The following GLE1 variants were observed in gnomAD, a reference collection of about 807,000 sequenced individuals.
GLE1 encodes the protein GLE1 RNA export mediator.
GLE1 carries 78 observed loss-of-function variants against 97.3 expected under a neutral mutation model. The observed-to-expected ratio is 0.80, with a 90% CI of 0.67 to 0.97. The LOEUF (loss-of-function observed/expected upper bound fraction) is 0.97, where lower values mean the gene tolerates loss of function less well. GLE1 is among the 50% of genes least tolerant of loss of function. The probability of loss-of-function intolerance (pLI) is 0.00; values close to 1 mark genes in which losing one functional copy is unlikely to be tolerated. For synonymous variants in GLE1, 302 were observed against 313.4 expected (o/e 0.96, Z 0.39); for missense variants, 753 against 857.5 (o/e 0.88, Z 1.52).
chr9:128,522,728 G>A lies in GLE1; in HGVS notation c.493G>A (p.Ala165Thr). Residue 165 changes from alanine to threonine, a missense_variant, in exon 4 of 16, where the codon GCA becomes ACA. Transcript: ENST00000309971. Reference protein sequence around the residue: ...ERKVQALSEMASEQLKRFDEW... With the variant: ...ERKVQALSEMTSEQLKRFDEW... ...GAAGGTGCAAGCCCTCTCGGAGATGGCATCTGAACAACTGAAGCGGTTTGA... is the reference window on the plus strand; with the variant it reads ...GAAGGTGCAAGCCCTCTCGGAGATGACATCTGAACAACTGAAGCGGTTTGA... 5.0e-6 allele frequency: 8 copies of A among 1,613,616 alleles called. No individual in the cohort carries two copies. Among genetic ancestry groups the A allele is most frequent in the Non-Finnish European group, 6.8e-6 (8 of 1,179,876 alleles).
In GLE1 at chr9:128,504,861, A is replaced by G. The variant is rs767810122; in HGVS notation, c.56A>G (p.Lys19Arg). 6.2e-7 allele frequency: 1 copy of G among 1,613,590 alleles called. No individual in the cohort carries two copies. Among genetic ancestry groups the G allele is most frequent in the Admixed American group, 1.7e-5 (1 of 60,008 alleles). ...ETLKALRSSD[K>R]GRLCYYRDWL... is the part of the protein sequence containing the mutation. ...TTGAAGGCCCTACGCAGTTCCGACA[A>G]AGGTCGCCTTTGCTACTACCGCGAC... Residue 19 changes from lysine to arginine, a missense_variant, in exon 1 of 16, where the codon AAA (lysine) becomes AGA (arginine). Transcript: ENST00000309971.
At chr9:128,527,611 T>A (rs1020682082) in intron 9 of GLE1, 86 bp downstream of exon 9, 6 of 842,370 alleles carry the variant, frequency 7.1e-6, no homozygotes, top group Admixed American at 1.8e-5. Flanking sequence ...AAGGTTCCTA[T>A]AAAAGTATAT....
At chr9:128,535,174 A>C (rs752491254) in intron 11 of GLE1, among the ~76,000 whole-genome samples, 3 of 152,028 alleles carry the variant, frequency 2.0e-5, no homozygotes, top group Non-Finnish European at 4.4e-5. Context: ...CCAGGAGTTC[A>C]AGACCAGCCT....
At chr9:128,526,146 C>T (rs187894338) in intron 7 of GLE1, among the ~76,000 whole-genome samples, 105 of 146,610 alleles carry the variant, frequency 7.2e-4, no homozygotes, top group Middle Eastern at 4.0e-3. Flanking sequence ...CTCAGCCTCC[C>T]GAGTAGCTGG....
intron 3 of GLE1, 57 bp from the exon 4 acceptor site, chr9:128,522,611 T>A (rs919508931): frequency 1.3e-6 from 2 of 1,505,522 alleles, no homozygotes. Flanking sequence ...CACTCCAGCC[T>A]GGCGACAGAG....
In GLE1 at chr9:128,533,874, T is replaced by A. The variant is rs1847607987; in HGVS notation, c.1569T>A (p.His523Gln). 1 of 1,613,290 alleles carries A rather than the reference T, an allele frequency of 6.2e-7. No individual in the cohort carries two copies. ...GAGTGGGGGACCTCATTCTTGCTCA[T>A]CTACATAAGAAGTGTCCTTACTCTG... Reference protein sequence around the residue: ...HPRVGDLILAHLHKKCPYSVP... With the variant: ...HPRVGDLILAQLHKKCPYSVP... The change falls in exon 11 of 16, where the codon CAT (histidine) becomes CAA (glutamine). Residue 523 changes from histidine (H) to glutamine (Q), a missense_variant. By Grantham distance (24) the His-to-Gln change is conservative. Transcript: ENST00000309971.
chr9:128,527,385 C>A, intron 8 of GLE1, 71 bp from the exon 9 acceptor site: 1 of 1,319,464 alleles, frequency 7.6e-7, no homozygotes, highest in Non-Finnish European at 1.1e-6. Context: ...TGGCATGTCA[C>A]TTTACCTGAT....
At chr9:128,507,930 AG>A (rs1465734431) in intron 1 of GLE1, among the ~76,000 whole-genome samples, 1 of 151,808 alleles carries the variant, frequency 6.6e-6, no homozygotes, top group Non-Finnish European at 1.5e-5. Context: ...CTGTAATCCC[AG>A]CACTTTGGGA....
rs1406484784 is a variant in GLE1 at position 128,541,551 on chromosome 9, C to T, written c.*381C>T. On this transcript the variant is annotated 3_prime_UTR_variant, in exon 16 of 16. Coordinates refer to ENST00000309971, the MANE Select transcript of GLE1 (RefSeq NM_001003722.2). ...CCCACCATTTGCACCCACCTACCCACCCTCACCCCTGTTCAGATGAATTTC... is the reference window on the plus strand; with the variant it reads ...CCCACCATTTGCACCCACCTACCCATCCTCACCCCTGTTCAGATGAATTTC... The T allele has an allele frequency of 1.9e-5, 5 of 268,810 alleles. No homozygotes were observed. The East Asian group carries it at 2.7e-4, about 15-fold the overall frequency. The allele number at this position is 268,810 out of a possible 1,614,324, so 16.7% of individuals were successfully genotyped here.
chr9:128,508,409 ATAAT>A (rs1020687433), intron 1 of GLE1, among the ~76,000 whole-genome samples: 5 of 152,290 alleles, frequency 3.3e-5, no homozygotes, highest in East Asian at 1.9e-4. Context: ...TGTCTCAAAA[ATAAT>A]TAATTTTAAA....
intron 13 of GLE1, 98 bp from the exon 14 acceptor site, chr9:128,539,518 T>C: frequency 1.0e-6 from 1 of 979,780 alleles, no homozygotes; most frequent in Non-Finnish European, 1.6e-6. Context: ...AAATTTTTGA[T>C]AGGTGTGAAA....
chr9:128,520,692 CGT>C (rs151275204), intron 3 of GLE1, among the ~76,000 whole-genome samples: 33 of 149,480 alleles, frequency 2.2e-4, no homozygotes, highest in Admixed American at 3.3e-4. Flanking sequence ...TCACACACAT[CGT>C]GTGTGTGTGT....
chr9:128,519,031 T>C (rs1847064485), intron 3 of GLE1, among the ~76,000 whole-genome samples: 1 of 152,330 alleles, frequency 6.6e-6, no homozygotes, highest in East Asian at 1.9e-4. Context: ...TACTGCAATC[T>C]CTAAACATAA....
At chr9:128,515,761 G>C (rs1846967628) in intron 3 of GLE1, 122 bp downstream of exon 3, 1 of 705,484 alleles carries the variant, frequency 1.4e-6, no homozygotes, top group Admixed American at 2.0e-5. Context: ...TTTAGTTTTG[G>C]GGGTAGTGTA....
intron 9 of GLE1, among the ~76,000 whole-genome samples, chr9:128,528,294 GTGCC>G (rs1486479675): frequency 2.7e-5 from 4 of 147,704 alleles, no homozygotes; most frequent in East Asian, 2.0e-4. Context: ...GTGAGCCACT[GTGCC>G]CAGCCCCCTT....
chr9:128,536,817 G>C, intron 12 of GLE1: 1 of 322,346 alleles, frequency 3.1e-6, no homozygotes, highest in South Asian at 2.6e-5. Flanking sequence ...AAGCCATCTA[G>C]ATCACATACC....
intron 12 of GLE1, 39 bp downstream of exon 12, chr9:128,536,523 G>A (rs1847716220): frequency 1.3e-6 from 2 of 1,570,258 alleles, no homozygotes; most frequent in South Asian, 2.2e-5. Flanking sequence ...TGAGAGGTTA[G>A]ACCACAGTCC....
intron 9 of GLE1, among the ~76,000 whole-genome samples, chr9:128,531,831 C>CAAAAAAAAAAAAAAAAAAAAAAAAAAA (rs1206684667): frequency 1.9e-5 from 1 of 51,862 alleles, no homozygotes; most frequent in Non-Finnish European, 4.1e-5. Flanking sequence ...GACTCCAGCT[C>CAAAAAAAAAAAAAAAAAAAAAAAAAAA]AAAAAAAAAA....
At chr9:128,513,975 G>A (rs1270235064) in intron 2 of GLE1, among the ~76,000 whole-genome samples, 9 of 148,294 alleles carry the variant, frequency 6.1e-5, no homozygotes, top group East Asian at 4.0e-4. Flanking sequence ...CCGAGATTGC[G>A]CTACTGCACT....
Sources: allele counts gnomAD v4.1 joint callset (sites outside exome capture counted in the v4.1 genomes callset), GRCh38; gene constraint gnomAD v4.1.1; transcripts MANE v1.5; gene names NCBI Gene and HGNC (gene_info 2026-07-23, HGNC 2026-07-21).